Variants in UHRF2 observed in about 807,000 individuals in gnomAD.
UHRF2 encodes ubiquitin like with PHD and ring finger domains 2.
In UHRF2, 23 loss-of-function variants were observed where a neutral mutation model predicts 96.8. That is an observed-to-expected ratio of 0.24 (90% confidence interval 0.17 to 0.34). The LOEUF (loss-of-function observed/expected upper bound fraction) is 0.34, where lower values mean the gene tolerates loss of function less well. UHRF2 is among the 10% of genes least tolerant of loss of function. UHRF2 has a pLI of 1.00. For missense variants in UHRF2, 685 were observed against 981.5 expected (o/e 0.70, Z 4.04); for synonymous variants, 385 against 332.6 (o/e 1.16, Z -1.72).
intron 9 of UHRF2, among the ~76,000 whole-genome samples, chr9:6,488,869 G>C (rs974739873): frequency 5.3e-5 from 8 of 151,712 alleles, no homozygotes; most frequent in African/African-American, 1.9e-4. Flanking sequence ...CTACAGGGCA[G>C]TGATGCGATT....
At position 6,477,651 on chromosome 9, in the gene UHRF2, G is replaced by A; in HGVS notation, c.1003G>A (p.Gly335Ser). ...AAATGACCCTGAATGTGACCTGTGT[G>A]GTGGAGACCCAGAAAAGAAATGTCA... is the stretch of plus-strand genomic sequence containing the variant. Reference protein sequence around the residue: ...RRNDPECDLCGGDPEKKCHSC... With the variant: ...RRNDPECDLCSGDPEKKCHSC... Residue 335 changes from glycine to serine, a missense_variant, in exon 6 of 16, where the codon GGT (glycine) becomes AGT (serine). Around this residue, in one of 6 missense-constraint regions of UHRF2, gnomAD observed 391 missense variants for 437.0 expected, o/e 0.89. Transcript: ENST00000276893. 6.2e-7 allele frequency: 1 copy of A among 1,613,940 alleles called. No individual in the cohort carries two copies.
rs781220093 is a variant in UHRF2 at position 6,481,714 on chromosome 9, A to G, written c.1232A>G (p.Lys411Arg). ...GGTGAAAGACTCAAGATGAGTAAAA[A>G]GAAAGCAAAGATGCCGTCAGCTAGT... ...KAGERLKMSK[K>R]KAKMPSASTE... Residue 411 changes from lysine (K) to arginine (R), a missense_variant, in exon 7 of 16, where the codon AAG becomes AGG. Lys to Arg is a conservative substitution (Grantham distance 26). This residue lies in a region of UHRF2 where 391 missense variants were observed against 437.0 expected (regional missense o/e 0.89). Coordinates refer to ENST00000276893, the MANE Select transcript of UHRF2 (RefSeq NM_152896.3). The G allele has an allele frequency of 7.3e-5, 118 of 1,613,880 alleles. No individual in the cohort carries two copies. The highest frequency in any genetic ancestry group is 9.8e-5 in the Non-Finnish European group (116 of 1,179,920).
chr9:6,453,785 G>C (rs541200905), intron 3 of UHRF2, among the ~76,000 whole-genome samples: 1 of 152,172 alleles, frequency 6.6e-6, no homozygotes, highest in South Asian at 2.1e-4. Flanking sequence ...GGTACTTGTA[G>C]TCCCAGCTAC....
rs1816620019 is a variant in UHRF2, at chr9:6,507,030, A to G, written c.*851A>G. ...CACTATATTCCCTAAAGTATACCTT[A>G]ATAAATATTTTATGATCAGAAAAAC... On this transcript the variant is annotated 3_prime_UTR_variant, in exon 16 of 16. Transcript: ENST00000276893. 6.6e-6 allele frequency: 1 copy of G among 152,342 alleles called. No homozygotes were observed. The highest frequency in any genetic ancestry group is 1.5e-5 in the Non-Finnish European group (1 of 68,046). 9.4% of individuals were successfully genotyped at this position (152,342 alleles called of 1,614,324 possible).
In UHRF2 at chr9:6,492,280, C is replaced by A. The variant is rs780161843; in HGVS notation, c.1498-1546C>A. 5.8e-4 allele frequency: 654 copies of A among 1,133,706 alleles called. 2 individuals carry two copies. The highest frequency in any genetic ancestry group is 1.1e-3 in the Admixed American group (48 of 42,534). 70.2% of individuals were successfully genotyped at this position (1,133,706 alleles called of 1,614,324 possible). A position where few individuals can be genotyped will look rare whatever the true frequency, so the allele number is the denominator to read the frequency against. ...ACTTTCCATTACTTTTTCTTTATGGCACTCCCATAATAACTTGAAAAGTTG... is the reference window on the plus strand; with the variant it reads ...ACTTTCCATTACTTTTTCTTTATGGAACTCCCATAATAACTTGAAAAGTTG... On this transcript the variant is annotated intron_variant, in intron 9 of 15. Coordinates refer to ENST00000276893, the MANE Select transcript of UHRF2 (RefSeq NM_152896.3).
chr9:6,423,504 G>C (rs1288835448), intron 2 of UHRF2, among the ~76,000 whole-genome samples: 1 of 152,092 alleles, frequency 6.6e-6, no homozygotes, highest in Non-Finnish European at 1.5e-5. Flanking sequence ...AGCAAATATG[G>C]TTTGTCAGGA....
chr9:6,499,325 T>TTTTTTTTTTTTTTTTTTTTTTTTTTTTG (rs1825142200), intron 12 of UHRF2: 1 of 147,006 alleles, frequency 6.8e-6, no homozygotes, highest in African/African-American at 2.5e-5. Flanking sequence ...ATCTAACTCT[T>TTTTTTTTTTTTTTTTTTTTTTTTTTTTG]AGCTGGTGGA....
chr9:6,477,726 C>T lies in UHRF2; in HGVS notation c.1078C>T (p.Leu360Phe). Reference sequence around the variant, plus strand: ...TGGGAAACATGAACCCAACATGCAGCTTCTGTGTGATGAATGTAATGTGGC... The same window carrying T: ...TGGGAAACATGAACCCAACATGCAGTTTCTGTGTGATGAATGTAATGTGGC... ...CGGKHEPNMQ[L>F]LCDECNVAYH... Residue 360 changes from leucine to phenylalanine, a missense_variant, in exon 6 of 16, where the codon CTT becomes TTT. Around this residue, in one of 6 missense-constraint regions of UHRF2, gnomAD observed 391 missense variants for 437.0 expected, o/e 0.89. Coordinates refer to ENST00000276893, the MANE Select transcript of UHRF2 (RefSeq NM_152896.3). 6.2e-7 allele frequency: 1 copy of T among 1,614,068 alleles called. No individual in the cohort carries two copies. The highest frequency in any genetic ancestry group is 8.5e-7 in the Non-Finnish European group (1 of 1,179,980).
At chr9:6,413,904 T>A (rs10975579) in intron 1 of UHRF2, 273,987 of 362,350 alleles carry the variant, frequency 0.76, 105,647 homozygotes, top group South Asian at 0.82. Flanking sequence ...TCTCGCCGTT[T>A]GTATTTGGTA....
chr9:6,497,867 T>G (rs1416316332), intron 11 of UHRF2, 151 bp from the exon 12 acceptor site: 2 of 922,820 alleles, frequency 2.2e-6, no homozygotes, highest in Non-Finnish European at 3.2e-6. Context: ...CAAAACTGTT[T>G]TAGTGAATAT....
chr9:6,480,416 C>A (rs1314327544), intron 6 of UHRF2, among the ~76,000 whole-genome samples: 2 of 152,214 alleles, frequency 1.3e-5, no homozygotes, highest in East Asian at 3.8e-4. Context: ...AGGTTCTGAA[C>A]AAACCTGTTG....
intron 3 of UHRF2, among the ~76,000 whole-genome samples, chr9:6,438,194 A>G (rs1346131943): frequency 6.6e-6 from 1 of 152,236 alleles, no homozygotes; most frequent in Non-Finnish European, 1.5e-5. Context: ...AAGTTTCAGG[A>G]TAACCTAAAC....
chr9:6,456,600 C>G (rs1421768908), intron 3 of UHRF2, among the ~76,000 whole-genome samples: 7 of 152,168 alleles, frequency 4.6e-5, no homozygotes, highest in East Asian at 1.9e-4. Context: ...GACATGGAGT[C>G]TTTGCCCATG....
chr9:6,432,143 C>A (rs999272833), intron 2 of UHRF2, among the ~76,000 whole-genome samples: 12 of 152,122 alleles, frequency 7.9e-5, no homozygotes, highest in Non-Finnish European at 2.9e-5. Context: ...TGCTCCATCT[C>A]TGATTGTTTG....
At chr9:6,457,709 A>G (rs1192057859) in intron 3 of UHRF2, among the ~76,000 whole-genome samples, 1 of 152,202 alleles carries the variant, frequency 6.6e-6, no homozygotes, top group Non-Finnish European at 1.5e-5. Flanking sequence ...GAGAGTTTTT[A>G]GCATGAAGGG....
chr9:6,469,963 A>G (rs890859884), intron 4 of UHRF2, among the ~76,000 whole-genome samples: 1 of 152,170 alleles, frequency 6.6e-6, no homozygotes, highest in African/African-American at 2.4e-5. Flanking sequence ...GCACAGTGGT[A>G]TATCACAAAC....
intron 1 of UHRF2, 23 bp downstream of exon 1, chr9:6,413,666 C>T (rs1317046806): frequency 1.9e-6 from 3 of 1,549,236 alleles, no homozygotes; most frequent in Admixed American, 1.9e-5. Flanking sequence ...CGCCGCGCCC[C>T]TAGCGAGGCT....
intron 3 of UHRF2, among the ~76,000 whole-genome samples, chr9:6,454,271 T>G (rs1312822249): frequency 6.6e-6 from 1 of 152,306 alleles, no homozygotes; most frequent in East Asian, 1.9e-4. Context: ...TAGAACATCT[T>G]TTGAGTGAAG....
chr9:6,476,884 C>G (rs771396475), intron 5 of UHRF2, among the ~76,000 whole-genome samples: 1 of 152,176 alleles, frequency 6.6e-6, no homozygotes, highest in Non-Finnish European at 1.5e-5. Flanking sequence ...TGAGCCACCA[C>G]GCCCGGCCTC....
Sources: gnomAD v4.1 joint callset for allele counts (sites outside exome capture counted in the v4.1 genomes callset) on GRCh38, gnomAD v4.1.1 for gene constraint, gnomAD v4.1.1 regional missense constraint, MANE v1.5 for transcripts, NCBI Gene and HGNC (gene_info 2026-07-23, HGNC 2026-07-21) for gene names.